The following DENND5B variants were observed in gnomAD, a reference collection of about 807,000 sequenced individuals.
DENND5B encodes the protein DENN domain-containing protein 5B.
DENND5B carries 34 observed loss-of-function variants against 140.6 expected under a neutral mutation model. The ratio of observed to expected loss-of-function variants is 0.24; its 90% CI spans 0.18 to 0.32. The LOEUF is 0.32. DENND5B is among the 10% of genes least tolerant of loss of function. The pLI is 1.00. For synonymous variants in DENND5B, 551 were observed against 562.1 expected (o/e 0.98, Z 0.28); for missense variants, 1,142 against 1,560.2 (o/e 0.73, Z 4.52).
intron 1 of DENND5B, among the ~76,000 whole-genome samples, chr12:31,584,160 C>T (rs1950308406): frequency 6.6e-6 from 1 of 152,226 alleles, no homozygotes; most frequent in Admixed American, 6.5e-5. Context: ...AATTTTAGGA[C>T]AGTCTGTCTT....
At chr12:31,448,383 C>A (rs1944365313) in intron 5 of DENND5B, among the ~76,000 whole-genome samples, 2 of 152,192 alleles carry the variant, frequency 1.3e-5, no homozygotes, top group African/African-American at 2.4e-5. Context: ...GCTCCGCCCG[C>A]CTCGGCCTCC....
intron 1 of DENND5B, among the ~76,000 whole-genome samples, chr12:31,564,588 TTATTA>T: frequency 6.8e-6 from 1 of 147,594 alleles, no homozygotes; most frequent in South Asian, 2.1e-4. Flanking sequence ...ATTATTATTA[TTATTA>T]TTATTATTAT....
intron 12 of DENND5B, among the ~76,000 whole-genome samples, chr12:31,414,558 G>A (rs1251647399): frequency 2.0e-5 from 3 of 152,096 alleles, no homozygotes; most frequent in Non-Finnish European, 2.9e-5. Context: ...AATGGCTCAC[G>A]TCTGTAATCC....
At chr12:31,445,597 T>C (rs1351984540) in intron 6 of DENND5B, among the ~76,000 whole-genome samples, 1 of 151,802 alleles carries the variant, frequency 6.6e-6, no homozygotes, top group African/African-American at 2.4e-5. Flanking sequence ...CCCAGCTACT[T>C]GGGAGGCTGT....
chr12:31,401,439 G>A (rs1292947085), intron 15 of DENND5B, among the ~76,000 whole-genome samples: 1 of 152,134 alleles, frequency 6.6e-6, no homozygotes, highest in African/African-American at 2.4e-5. Context: ...ATGACTCTAA[G>A]TGGAAACTGC....
intron 1 of DENND5B, among the ~76,000 whole-genome samples, chr12:31,568,410 C>T (rs1949706462): frequency 6.6e-6 from 1 of 152,168 alleles, no homozygotes; most frequent in Admixed American, 6.6e-5. Flanking sequence ...CAGCCACTTC[C>T]CTCCCTCTTC....
At chr12:31,551,122 C>T (rs1198207011) in intron 1 of DENND5B, among the ~76,000 whole-genome samples, 1 of 152,000 alleles carries the variant, frequency 6.6e-6, no homozygotes, top group African/African-American at 2.4e-5. Context: ...GTGTTTTAGA[C>T]ATGAAGTCCT....
At chr12:31,514,774 G>C (rs1947560707) in intron 1 of DENND5B, among the ~76,000 whole-genome samples, 1 of 150,134 alleles carries the variant, frequency 6.7e-6, no homozygotes, top group Non-Finnish European at 1.5e-5. Context: ...AGTGAGCTGA[G>C]ACTGCACCAC....
At chr12:31,401,812 G>A (rs1941809756) in intron 15 of DENND5B, among the ~76,000 whole-genome samples, 1 of 152,032 alleles carries the variant, frequency 6.6e-6, no homozygotes, top group South Asian at 2.1e-4. Context: ...TGTAGAGATG[G>A]AGTCTCACCA....
chr12:31,398,787 C>T (rs1428476291), intron 16 of DENND5B, among the ~76,000 whole-genome samples: 1 of 151,894 alleles, frequency 6.6e-6, no homozygotes, highest in East Asian at 1.9e-4. Flanking sequence ...CTTTCCAACA[C>T]TTGTGGACTA....
intron 1 of DENND5B, among the ~76,000 whole-genome samples, chr12:31,546,173 T>C (rs530873906): frequency 5.9e-5 from 9 of 152,214 alleles, no homozygotes; most frequent in Admixed American, 5.2e-4. Context: ...ATATGCTATA[T>C]ATATGACCCA....
chr12:31,535,601 A>G (rs1259355), intron 1 of DENND5B, among the ~76,000 whole-genome samples: 100,909 of 152,014 alleles, frequency 0.66, 34,624 homozygotes, highest in East Asian at 0.83. Flanking sequence ...TGGGCTTGGG[A>G]TGCCCCCTAA....
At chr12:31,407,441 T>C (rs1593083189) in intron 14 of DENND5B, among the ~76,000 whole-genome samples, 1 of 152,332 alleles carries the variant, frequency 6.6e-6, no homozygotes, top group Non-Finnish European at 1.5e-5. Context: ...ATTTTAAAAC[T>C]GTATATAACT....
chr12:31,580,880 C>T (rs1165279405), intron 1 of DENND5B, among the ~76,000 whole-genome samples: 2 of 151,604 alleles, frequency 1.3e-5, no homozygotes, highest in Admixed American at 6.6e-5. Flanking sequence ...CCAAGATGGG[C>T]GGATCCCTTG....
chr12:31,409,514 T>C, intron 13 of DENND5B, 130 bp from the exon 14 acceptor site: 1 of 1,110,948 alleles, frequency 9.0e-7, no homozygotes, highest in South Asian at 2.3e-5. Context: ...GTTTCTCTCT[T>C]GTTGCCCAGG....
chr12:31,402,518 G>A lies in DENND5B; in HGVS notation c.2929C>T (p.Leu977Phe). 1 of 1,613,462 alleles carries A rather than the reference G, an allele frequency of 6.2e-7. No homozygotes were observed. The highest frequency in any genetic ancestry group is 8.5e-7 in the Non-Finnish European group (1 of 1,179,712). ...CCTACCTCAAAGGTCATTTCGAGGA[G>A]GTTTTTGGGAATCTGCATTACTCCT... ...DTGVMQIPKN[L>F]LEMTFECQNL... Residue 977 changes from leucine (L) to phenylalanine (F), a missense_variant, in exon 15 of 21, where the codon CTC becomes TTC. Physicochemically the swap from Leu to Phe is conservative, Grantham distance 22 (BLOSUM62 0). Coordinates refer to ENST00000389082, the MANE Select transcript of DENND5B (RefSeq NM_144973.4).
intron 1 of DENND5B, among the ~76,000 whole-genome samples, chr12:31,529,087 C>T (rs1381369214): frequency 9.6e-5 from 14 of 146,348 alleles, no homozygotes; most frequent in African/African-American, 2.3e-4. Context: ...TGCTTGAACT[C>T]GGGAGGCGGA....
intron 11 of DENND5B, chr12:31,420,005 G>A (rs908180598): frequency 1.4e-5 from 14 of 965,974 alleles, no homozygotes; most frequent in Non-Finnish European, 1.3e-5. Context: ...AGGAAAAAAG[G>A]CAGCATTTCC....
Position 31,398,362 on chromosome 12 carries a change from T to C in DENND5B, c.3069A>G (p.Arg1023=). 6.5e-7 allele frequency: 1 copy of C among 1,542,040 alleles called. No individual in the cohort carries two copies. The highest frequency in any genetic ancestry group is 8.7e-7 in the Non-Finnish European group (1 of 1,144,650). Residue 1023 remains arginine, a splice_region_variant and synonymous_variant, in exon 17 of 21, where the codon AGA becomes AGG. Transcript: ENST00000389082. ...TCCCCAGCCACCGCCCACATGGGAA[T>C]CTGGTAGGACAGAAAACAAGTTTTT... The part of the protein sequence containing the change: ...VRNEITGHTY[R]FPCGRWLGKG...
Sources: allele counts gnomAD v4.1 joint callset (sites outside exome capture counted in the v4.1 genomes callset), GRCh38; gene constraint gnomAD v4.1.1; transcripts MANE v1.5; gene names NCBI Gene and HGNC (gene_info 2026-07-23, HGNC 2026-07-21).